Variants in HHAT observed in about 807,000 individuals in gnomAD.
HHAT encodes hedgehog acyltransferase.
In HHAT, 47 loss-of-function variants were observed where a neutral mutation model predicts 70.8. The observed-to-expected ratio is 0.66, with a 90% CI of 0.53 to 0.85. The LOEUF is 0.85. Among genes scored for constraint, HHAT ranks in the 40% least tolerant of loss-of-function variants. The probability of loss-of-function intolerance (pLI) is 0.00; values close to 1 mark genes in which losing one functional copy is unlikely to be tolerated. For missense variants in HHAT, 609 were observed against 604.8 expected, an observed-to-expected ratio of 1.01 and a Z score of -0.07; for synonymous variants, 228 against 247.6, an observed-to-expected ratio of 0.92 and a Z score of 0.74.
chr1:210,342,221 G>C (rs1571724669), intron 1 of HHAT, among the ~76,000 whole-genome samples: 1 of 152,040 alleles, frequency 6.6e-6, no homozygotes, highest in East Asian at 1.9e-4. Flanking sequence ...AGCATCAAGG[G>C]GCTGCTTTGT....
intron 3 of HHAT, among the ~76,000 whole-genome samples, chr1:210,365,309 G>T (rs1356223192): frequency 2.9e-4 from 23 of 78,400 alleles, no homozygotes; most frequent in South Asian, 2.2e-3. Flanking sequence ...ACTGCTGACA[G>T]TTTTTTTTTT....
intron 11 of HHAT, among the ~76,000 whole-genome samples, chr1:210,641,715 G>C (rs1411999062): frequency 1.3e-5 from 2 of 152,150 alleles, no homozygotes; most frequent in Non-Finnish European, 2.9e-5. Context: ...CAGCGAAACT[G>C]AGCCCAGTAG....
chr1:210,624,614 A>T (rs905357664), intron 11 of HHAT, among the ~76,000 whole-genome samples: 5 of 152,164 alleles, frequency 3.3e-5, no homozygotes, highest in African/African-American at 9.7e-5. Flanking sequence ...AGATAATCTG[A>T]ATATCCAAAG....
At chr1:210,643,251 G>C (rs1310248228) in intron 11 of HHAT, among the ~76,000 whole-genome samples, 1 of 152,114 alleles carries the variant, frequency 6.6e-6, no homozygotes, top group East Asian at 1.9e-4. Flanking sequence ...AATTGTCTTG[G>C]ATACACTTAA....
chr1:210,471,113 A>G (rs1276044658), intron 8 of HHAT, among the ~76,000 whole-genome samples: 1 of 152,204 alleles, frequency 6.6e-6, no homozygotes, highest in Non-Finnish European at 1.5e-5. Flanking sequence ...TTTGATCACC[A>G]GGTCTTAAGA....
At chr1:210,353,030 G>T (rs527478853) in intron 2 of HHAT, among the ~76,000 whole-genome samples, 2 of 151,904 alleles carry the variant, frequency 1.3e-5, no homozygotes, top group East Asian at 3.9e-4. Flanking sequence ...CTGCCTCCCA[G>T]GTTCAAGCAA....
At chr1:210,528,330 A>T (rs2095274701) in intron 9 of HHAT, among the ~76,000 whole-genome samples, 1 of 152,196 alleles carries the variant, frequency 6.6e-6, no homozygotes. Context: ...ATAGGAGGAA[A>T]AAGAGAAAGA....
chr1:210,409,685 T>C (rs920519746), intron 6 of HHAT, among the ~76,000 whole-genome samples: 1 of 152,238 alleles, frequency 6.6e-6, no homozygotes, highest in South Asian at 2.1e-4. Flanking sequence ...AACATATGTA[T>C]TATTCGTGTA....
At chr1:210,504,902 CTTTTTTT>C (rs71571952) in intron 8 of HHAT, among the ~76,000 whole-genome samples, 8 of 124,536 alleles carry the variant, frequency 6.4e-5, no homozygotes, top group Non-Finnish European at 9.7e-5. Flanking sequence ...GCTTTTTATT[CTTTTTTT>C]TTTTTTTTTT....
At chr1:210,666,840 C>A (rs900477406) in intron 11 of HHAT, among the ~76,000 whole-genome samples, 2 of 151,982 alleles carry the variant, frequency 1.3e-5, no homozygotes, top group East Asian at 3.9e-4. Context: ...CGCCTGTAAT[C>A]CCAGCACTTT....
chr1:210,446,991 C>A (rs532217538), intron 7 of HHAT, among the ~76,000 whole-genome samples: 39 of 152,294 alleles, frequency 2.6e-4, no homozygotes, highest in African/African-American at 9.1e-4. Flanking sequence ...TAATAATTGA[C>A]ACTCCATAAA....
intron 10 of HHAT, among the ~76,000 whole-genome samples, chr1:210,604,732 A>G (rs1413266181): frequency 7.9e-5 from 12 of 152,132 alleles, no homozygotes; most frequent in Admixed American, 7.2e-4. Context: ...TTAAAAATTG[A>G]AAGTTGGATG....
chr1:210,357,303 T>C (rs550801464), intron 2 of HHAT, among the ~76,000 whole-genome samples: 1 of 152,256 alleles, frequency 6.6e-6, no homozygotes, highest in Admixed American at 6.5e-5. Context: ...AGCAGGAAAG[T>C]TACTCCCAAC....
Position 210,400,675 on chromosome 1 carries a change from CTG to C in HHAT, c.468+15_468+16del. 1 of 1,605,664 alleles carries C rather than the reference CTG, an allele frequency of 6.2e-7. No individual in the cohort carries two copies. Among genetic ancestry groups the C allele is most frequent in the Non-Finnish European group, 8.5e-7 (1 of 1,176,118 alleles). ...GGAAGAAGTTAAGGTAAGTGTTTTCCTGTTACCATTGGGAATCCAGAGAAGGC... is the reference window on the plus strand; with the variant it reads ...GGAAGAAGTTAAGGTAAGTGTTTTCCTTACCATTGGGAATCCAGAGAAGGC... On this transcript the variant is annotated intron_variant, in intron 5 of 11. Transcript: ENST00000261458.
At chr1:210,591,921 C>T (rs12127035) in intron 10 of HHAT, among the ~76,000 whole-genome samples, 27 of 151,906 alleles carry the variant, frequency 1.8e-4, no homozygotes, top group Non-Finnish European at 3.5e-4. Context: ...CCTTATATAT[C>T]CTGGTTATTA....
At chr1:210,527,663 G>A (rs1358694336) in intron 9 of HHAT, among the ~76,000 whole-genome samples, 2 of 152,240 alleles carry the variant, frequency 1.3e-5, no homozygotes, top group Non-Finnish European at 2.9e-5. Context: ...CAAGCTCCCT[G>A]AGGGCCAGAA....
Position 210,526,809 on chromosome 1 carries a change from A to G in HHAT, c.1043+13621A>G, listed in dbSNP as rs182392691. ...CCAATACAGTAGCTATTAATCACTC[A>G]TGGCTATTTAAATTTAAACTACTGA... On this transcript the variant is annotated intron_variant, in intron 9 of 11. Coordinates refer to ENST00000261458, the MANE Select transcript of HHAT (RefSeq NM_018194.6). Among the ~76,000 whole-genome samples, 3 of 152,298 alleles carry G rather than the reference A, an allele frequency of 2.0e-5. No homozygotes were observed. The East Asian group carries it at 5.8e-4, about 29-fold the overall frequency.
At chr1:210,523,679 C>G (rs1330479185) in intron 9 of HHAT, among the ~76,000 whole-genome samples, 2 of 152,192 alleles carry the variant, frequency 1.3e-5, no homozygotes, top group East Asian at 3.9e-4. Flanking sequence ...TCTGACTCAT[C>G]TGGATCTTCT....
intron 3 of HHAT, among the ~76,000 whole-genome samples, chr1:210,382,723 C>A (rs1280461080): frequency 6.6e-6 from 1 of 152,060 alleles, no homozygotes; most frequent in Admixed American, 6.5e-5. Flanking sequence ...TGAATTGTAC[C>A]ATTTAGTGAG....
Sources: gnomAD v4.1 joint callset for allele counts (sites outside exome capture counted in the v4.1 genomes callset) on GRCh38, gnomAD v4.1.1 for gene constraint, MANE v1.5 for transcripts, NCBI Gene and HGNC (gene_info 2026-07-23, HGNC 2026-07-21) for gene names.